KDM5B: variants seen among roughly 807,000 people sequenced by gnomAD.
KDM5B encodes lysine demethylase 5B, also known as lysine-specific demethylase 5B.
Under a neutral mutation model 193.4 loss-of-function variants are expected in KDM5B, and 144 were observed. The observed-to-expected ratio is 0.74, with a 90% CI of 0.65 to 0.86. The LOEUF is 0.86. KDM5B is among the 40% of genes least tolerant of loss of function. The probability of loss-of-function intolerance (pLI) is 0.00; values close to 1 mark genes in which losing one functional copy is unlikely to be tolerated. For missense variants in KDM5B, 1,833 were observed against 1,886.9 expected (o/e 0.97, Z 0.53); for synonymous variants, 668 against 682.6 (o/e 0.98, Z 0.33).
Position 202,725,934 on chromosome 1 carries a change from A to C in KDM5B, c.*3102T>G, listed in dbSNP as rs1172438350. On this transcript the variant is annotated 3_prime_UTR_variant, in exon 27 of 27. Coordinates refer to ENST00000367265, the MANE Select transcript of KDM5B (RefSeq NM_006618.5). ...CCAATCAATACCTGCTCCAAGCCAG[A>C]AGCAGGTCTTAACAGACTGCCAAAT... 1 of 152,252 alleles carries C rather than the reference A, an allele frequency of 6.6e-6. No homozygotes were observed. Among genetic ancestry groups the C allele is most frequent in the African/African-American group, 2.4e-5 (1 of 41,462 alleles). 9.4% of individuals were successfully genotyped at this position (152,252 alleles called of 1,614,324 possible). A position where few individuals can be genotyped will look rare whatever the true frequency, so the allele number is the denominator to read the frequency against.
chr1:202,804,074 A>C (rs938686626), intron 1 of KDM5B, among the ~76,000 whole-genome samples: 1 of 152,040 alleles, frequency 6.6e-6, no homozygotes, highest in East Asian at 1.9e-4. Flanking sequence ...CTAGAACTTA[A>C]AGTATAATTT....
chr1:202,772,037 T>A (rs1179214299), intron 4 of KDM5B, among the ~76,000 whole-genome samples: 1 of 152,220 alleles, frequency 6.6e-6, no homozygotes, highest in Non-Finnish European at 1.5e-5. Flanking sequence ...AAAAATCTAC[T>A]GGATTTAAGC....
chr1:202,753,350 C>G (rs982575152), intron 11 of KDM5B, among the ~76,000 whole-genome samples: 1 of 151,982 alleles, frequency 6.6e-6, no homozygotes, highest in East Asian at 1.9e-4. Flanking sequence ...ACAAAATTAG[C>G]CAGGCATGGT....
At chr1:202,791,206 T>C (rs566659281) in intron 1 of KDM5B, among the ~76,000 whole-genome samples, 13 of 152,332 alleles carry the variant, frequency 8.5e-5, no homozygotes, top group African/African-American at 3.1e-4. Context: ...GTAAATTTGA[T>C]TTGAAAGATA....
intron 8 of KDM5B, among the ~76,000 whole-genome samples, chr1:202,759,337 T>C (rs1284648592): frequency 6.6e-6 from 1 of 151,988 alleles, no homozygotes; most frequent in Non-Finnish European, 1.5e-5. Flanking sequence ...TCCGGAGTTC[T>C]GAGACCAGCA....
intron 1 of KDM5B, among the ~76,000 whole-genome samples, chr1:202,790,039 G>A (rs559190723): frequency 1.6e-4 from 24 of 150,254 alleles, no homozygotes; most frequent in Non-Finnish European, 3.0e-4. Flanking sequence ...CGAGGCGGGC[G>A]GATCACCTGA....
At chr1:202,784,724 C>A (rs940645626) in intron 1 of KDM5B, among the ~76,000 whole-genome samples, 1 of 152,114 alleles carries the variant, frequency 6.6e-6, no homozygotes. Context: ...AAGTTTTGTA[C>A]GACAAAGAAT....
intron 1 of KDM5B, among the ~76,000 whole-genome samples, chr1:202,805,546 C>T (rs1658256935): frequency 6.6e-6 from 1 of 152,166 alleles, no homozygotes; most frequent in Admixed American, 6.6e-5. Context: ...CCAATAGTTC[C>T]AATTCCCCTT....
chr1:202,729,148 C>G lies in KDM5B; in HGVS notation c.4523G>C (p.Ser1508Thr). 6.2e-7 allele frequency: 1 copy of G among 1,614,158 alleles called. No homozygotes were observed. The highest frequency in any genetic ancestry group is 1.3e-5 in the African/African-American group (1 of 75,050). ...GACCTGATGAAACCACTGATTGCAG[C>G]TGCCATCACACTGGACCCAGTCCAC... The part of the protein sequence containing the change: ...DEVDWVQCDG[S>T]CNQWFHQVCV... Residue 1508 changes from serine (S) to threonine (T), a missense_variant, in exon 27 of 27, where the codon AGC becomes ACC. Physicochemically the swap from Ser to Thr is moderately conservative, Grantham distance 58 (BLOSUM62 1). This residue lies in a region of KDM5B where 1,379 missense variants were observed against 1,349.6 expected (regional missense o/e 1.02). Coordinates refer to ENST00000367265, the MANE Select transcript of KDM5B (RefSeq NM_006618.5).
chr1:202,806,525 G>C (rs1048028963), intron 1 of KDM5B: 6 of 152,222 alleles, frequency 3.9e-5, no homozygotes, highest in African/African-American at 1.4e-4. Context: ...CCACTTCGCT[G>C]TAAGAAATGG....
In KDM5B at chr1:202,763,892, T is replaced by C. The variant is rs571839682; in HGVS notation, c.808+157A>G. ...CAAGGACACTGTTGATATATTAAGA[T>C]TTTCTCAAAGCCCAACCCAGTGACT... On this transcript the variant is annotated intron_variant, in intron 6 of 26. Transcript: ENST00000367265. Among the ~76,000 whole-genome samples, 12 of 152,330 alleles carry C rather than the reference T, an allele frequency of 7.9e-5. No homozygotes were observed. In the South Asian group the frequency reaches 2.1e-3, roughly 26 times the overall value.
chr1:202,806,139 A>C lies in KDM5B; in HGVS notation c.204+1963T>G, dbSNP rs139678487. On this transcript the variant is annotated intron_variant, in intron 1 of 26. Coordinates refer to ENST00000367265, the MANE Select transcript of KDM5B (RefSeq NM_006618.5). ...GAAATGGGTAGCCAAGCCTAACCAG[A>C]GCAACACTATCTTTTCAGAAAAAGG... Among the ~76,000 whole-genome samples the C allele has an allele frequency of 5.3e-5, 8 of 152,322 alleles. No individual in the cohort carries two copies. In the East Asian group the frequency reaches 1.5e-3, roughly 29 times the overall value.
intron 12 of KDM5B, among the ~76,000 whole-genome samples, chr1:202,752,197 T>C (rs959986014): frequency 6.6e-6 from 1 of 152,248 alleles, no homozygotes; most frequent in African/African-American, 2.4e-5. Context: ...AGTATAGTTG[T>C]GCACCATGTA....
chr1:202,739,471 TTTTA>T (rs1170332673), intron 20 of KDM5B, among the ~76,000 whole-genome samples: 4 of 152,118 alleles, frequency 2.6e-5, no homozygotes, highest in South Asian at 2.1e-4. Flanking sequence ...TTATTTTTAT[TTTTA>T]TTTATTTATT....
rs772395508 is a variant in KDM5B, at chr1:202,733,866, A to C, written c.3444T>G (p.Ala1148=). ...TASAMATLGE[A]RLREMEALQS... ...GCAAGGCTTCCATTTCCCTTAGGCG[A>C]GCTTCCCCAAGAGTTGCCATCTGAA... The change falls in exon 23 of 27, where the codon GCT becomes GCG. Residue 1148 remains alanine, a synonymous_variant. Transcript: ENST00000367265. 6.2e-7 allele frequency: 1 copy of C among 1,611,176 alleles called. No individual in the cohort carries two copies. The highest frequency in any genetic ancestry group is 1.7e-4 in the Middle Eastern group (1 of 6,032).
chr1:202,773,337 T>C, intron 3 of KDM5B, 49 bp from the exon 4 acceptor site: 1 of 1,528,546 alleles, frequency 6.5e-7, no homozygotes, highest in Non-Finnish European at 9.0e-7. Flanking sequence ...TCACTTCTAA[T>C]CACATCTAAG....
At position 202,733,872 on chromosome 1, in the gene KDM5B, C is replaced by T. The variant is rs1307301971; in HGVS notation, c.3438G>A (p.Gly1146=). 3.1e-6 allele frequency: 5 copies of T among 1,608,734 alleles called. No homozygotes were observed. Among genetic ancestry groups the T allele is most frequent in the Non-Finnish European group, 4.2e-6 (5 of 1,177,356 alleles). The change falls in exon 23 of 27, where the codon GGG becomes GGA. Residue 1146 remains glycine, a synonymous_variant. Coordinates refer to ENST00000367265, the MANE Select transcript of KDM5B (RefSeq NM_006618.5). Reference sequence around the variant, plus strand: ...CTTCCATTTCCCTTAGGCGAGCTTCCCCAAGAGTTGCCATCTGAAAAAGAG... The same window carrying T: ...CTTCCATTTCCCTTAGGCGAGCTTCTCCAAGAGTTGCCATCTGAAAAAGAG... ...KETASAMATL[G]EARLREMEAL...
rs1420492116 is a variant in KDM5B, at chr1:202,749,041, A to G, written c.1920T>C (p.Ala640=). 1 of 1,614,006 alleles carries G rather than the reference A, an allele frequency of 6.2e-7. No homozygotes were observed. The highest frequency in any genetic ancestry group is 8.5e-7 in the Non-Finnish European group (1 of 1,179,988). ...DEMICKMASK[A]DVLDVVVAST... ...AAGCCACTACAACATCTAATACATC[A>G]GCCTTGGAAGCCATCTTGCAGATCA... The change falls in exon 14 of 27, where the codon GCT becomes GCC. Residue 640 remains alanine, a synonymous_variant. Transcript: ENST00000367265.
chr1:202,769,809 T>C (rs953133058), intron 4 of KDM5B, among the ~76,000 whole-genome samples: 13 of 152,150 alleles, frequency 8.5e-5, no homozygotes, highest in Non-Finnish European at 1.5e-5. Context: ...GTTGAGCATT[T>C]AGAGTATGTT....
Sources: allele counts gnomAD v4.1 joint callset (sites outside exome capture counted in the v4.1 genomes callset), GRCh38; gene constraint gnomAD v4.1.1; regional missense constraint gnomAD v4.1.1; transcripts MANE v1.5; gene names NCBI Gene and HGNC (gene_info 2026-07-23, HGNC 2026-07-21).